Variants in STK3 observed in about 807,000 individuals in gnomAD.
The protein encoded by STK3 is serine/threonine-protein kinase 3.
STK3 carries 41 observed loss-of-function variants against 58.0 expected under a neutral mutation model. The observed-to-expected ratio is 0.71, with a 90% CI of 0.55 to 0.92. The LOEUF (loss-of-function observed/expected upper bound fraction) is 0.92. Among genes scored for constraint, STK3 ranks in the 40% least tolerant of loss-of-function variants. The pLI is 0.00. For missense variants in STK3, 479 were observed against 602.7 expected (o/e 0.79, Z 2.15); for synonymous variants, 170 against 191.0 (o/e 0.89, Z 0.91).
chr8:98,656,961 T>C (rs1821589701), intron 6 of STK3, among the ~76,000 whole-genome samples: 1 of 152,100 alleles, frequency 6.6e-6, no homozygotes, highest in Non-Finnish European at 1.5e-5. Flanking sequence ...ATTTATTATT[T>C]AATAAGAATT....
At chr8:98,673,838 T>C (rs555751738) in intron 6 of STK3, among the ~76,000 whole-genome samples, 7 of 152,274 alleles carry the variant, frequency 4.6e-5, no homozygotes, top group East Asian at 1.9e-4. Context: ...CTTAGAACAA[T>C]AGCAGTGATA....
At chr8:98,611,351 A>G (rs913988598) in intron 6 of STK3, among the ~76,000 whole-genome samples, 6 of 152,160 alleles carry the variant, frequency 3.9e-5, no homozygotes, top group Non-Finnish European at 7.4e-5. Flanking sequence ...TTAAAAAAAG[A>G]CACACAGACA....
intron 6 of STK3, among the ~76,000 whole-genome samples, chr8:98,668,268 G>A (rs1437632310): frequency 6.6e-6 from 1 of 152,136 alleles, no homozygotes; most frequent in Non-Finnish European, 1.5e-5. Context: ...AGTTTTGACA[G>A]GTGAAAACTT....
intron 2 of STK3, among the ~76,000 whole-genome samples, chr8:98,377,768 A>T (rs914971647): frequency 6.6e-6 from 1 of 152,102 alleles, no homozygotes; most frequent in Non-Finnish European, 1.5e-5. Context: ...CTTGGTGGTA[A>T]TCAGCAGGGA....
intron 10 of STK3, among the ~76,000 whole-genome samples, chr8:98,478,899 G>A (rs1821600806): frequency 6.6e-6 from 1 of 152,142 alleles, no homozygotes; most frequent in Admixed American, 6.5e-5. Context: ...ATATTTACGA[G>A]CTTCTGTCGT....
chr8:98,773,496 C>T (rs1831454300), intron 2 of STK3, among the ~76,000 whole-genome samples: 1 of 152,094 alleles, frequency 6.6e-6, no homozygotes, highest in Non-Finnish European at 1.5e-5. Flanking sequence ...CAGTGGCCCA[C>T]ACCTATAATC....
At chr8:98,448,833 A>C (rs1041837388) in intron 1 of STK3, among the ~76,000 whole-genome samples, 2 of 152,220 alleles carry the variant, frequency 1.3e-5, no homozygotes, top group African/African-American at 4.8e-5. Context: ...ATCATGCTAA[A>C]AACTATTTTT....
chr8:98,877,395 T>A (rs1446490386), intron 3 of STK3, among the ~76,000 whole-genome samples: 4 of 152,248 alleles, frequency 2.6e-5, no homozygotes, highest in Non-Finnish European at 5.9e-5. Context: ...ACTGATTGTT[T>A]AGACTTTTCA....
chr8:98,372,968 T>C (rs1817626675), intron 2 of STK3, among the ~76,000 whole-genome samples: 1 of 152,218 alleles, frequency 6.6e-6, no homozygotes, highest in Non-Finnish European at 1.5e-5. Flanking sequence ...AGTCTTACTC[T>C]GGTTATAATG....
At chr8:98,408,383 T>C (rs1314566111) in intron 3 of STK3, among the ~76,000 whole-genome samples, 2 of 152,174 alleles carry the variant, frequency 1.3e-5, no homozygotes, top group African/African-American at 4.8e-5. Flanking sequence ...ATGGCTAAGA[T>C]TCAGTGATGT....
intron 3 of STK3, among the ~76,000 whole-genome samples, chr8:98,407,226 G>A (rs1818002155): frequency 6.6e-6 from 1 of 152,216 alleles, no homozygotes; most frequent in Non-Finnish European, 1.5e-5. Context: ...ACCAGGTGAT[G>A]GCAAAGGTTG....
downstream of STK3, chr8:98,882,676 C>T (rs1441281031): frequency 6.6e-6 from 1 of 152,274 alleles, no homozygotes; most frequent in Non-Finnish European, 1.5e-5. Context: ...CTCGGCCTCC[C>T]AAAGTGCCGG....
intron 4 of STK3, among the ~76,000 whole-genome samples, chr8:98,720,016 C>T (rs1240850695): frequency 6.6e-6 from 1 of 152,198 alleles, no homozygotes; most frequent in Non-Finnish European, 1.5e-5. Flanking sequence ...CATACAAGTA[C>T]ATGAATAGAG....
intron 1 of STK3, among the ~76,000 whole-genome samples, chr8:98,813,189 T>C (rs1008243639): frequency 1.3e-5 from 2 of 152,202 alleles, no homozygotes; most frequent in African/African-American, 4.8e-5. Flanking sequence ...AGGTAGTATA[T>C]AACTTCCATT....
chr8:98,883,395 C>T (rs1837868872), downstream of STK3: 2 of 386,644 alleles, frequency 5.2e-6, no homozygotes, highest in Middle Eastern at 7.8e-4. Context: ...ATTAGGCTGG[C>T]CTGCCAGAAG....
chr8:98,551,227 CT>C (rs1456375625), intron 8 of STK3, among the ~76,000 whole-genome samples: 2 of 152,142 alleles, frequency 1.3e-5, no homozygotes, highest in Non-Finnish European at 2.9e-5. Flanking sequence ...TAATTATTCT[CT>C]TTTCTAAACT....
chr8:98,816,592 G>T (rs889039752), intron 1 of STK3, among the ~76,000 whole-genome samples: 2 of 151,964 alleles, frequency 1.3e-5, no homozygotes, highest in African/African-American at 4.8e-5. Context: ...AGAGTGCAAT[G>T]GTGCAATCTC....
At chr8:98,863,018 G>A (rs1318176399) in intron 3 of STK3, among the ~76,000 whole-genome samples, 1 of 152,160 alleles carries the variant, frequency 6.6e-6, no homozygotes, top group Non-Finnish European at 1.5e-5. Flanking sequence ...TGATGGCCAG[G>A]GCTGCCAAGG....
intron 6 of STK3, among the ~76,000 whole-genome samples, chr8:98,656,407 G>C (rs1188898968): frequency 1.3e-5 from 2 of 151,968 alleles, no homozygotes; most frequent in Non-Finnish European, 2.9e-5. Context: ...AATGGGTGCA[G>C]CACACCAGCA....
Sources: gnomAD v4.1 joint callset for allele counts (sites outside exome capture counted in the v4.1 genomes callset) on GRCh38, gnomAD v4.1.1 for gene constraint, MANE v1.5 for transcripts, NCBI Gene and HGNC (gene_info 2026-07-23, HGNC 2026-07-21) for gene names.